ZNF704: variants seen among roughly 807,000 people sequenced by gnomAD.
The protein encoded by ZNF704 is glucocorticoid induced gene 1.
ZNF704 carries 10 observed loss-of-function variants against 44.7 expected under a neutral mutation model. That is an observed-to-expected ratio of 0.22 (90% CI 0.14 to 0.38). The LOEUF (loss-of-function observed/expected upper bound fraction) is 0.38. Ranked by LOEUF, ZNF704 falls within the 10% of genes least tolerant of loss-of-function variation. The probability of loss-of-function intolerance (pLI) is 1.00; values close to 1 mark genes in which losing one functional copy is unlikely to be tolerated. For synonymous variants in ZNF704, 211 were observed against 207.6 expected (o/e 1.02, Z -0.14); for missense variants, 390 against 545.5 (o/e 0.71, Z 2.84).
At chr8:80,766,815 C>T (rs1157617918) in intron 2 of ZNF704, among the ~76,000 whole-genome samples, 1 of 152,060 alleles carries the variant, frequency 6.6e-6, no homozygotes. Flanking sequence ...TGGATTCAAG[C>T]AATTCTCCTG....
At chr8:80,742,180 C>A (rs1456956224) in intron 2 of ZNF704, among the ~76,000 whole-genome samples, 5 of 152,082 alleles carry the variant, frequency 3.3e-5, no homozygotes, top group African/African-American at 1.2e-4. Context: ...AACCGCCAAG[C>A]GGATATTGAA....
At chr8:80,752,113 A>G (rs1806954173) in intron 2 of ZNF704, among the ~76,000 whole-genome samples, 1 of 152,210 alleles carries the variant, frequency 6.6e-6, no homozygotes, top group South Asian at 2.1e-4. Context: ...GTTAAGCAGC[A>G]CTGGGTTTTA....
intron 2 of ZNF704, among the ~76,000 whole-genome samples, chr8:80,725,240 G>T (rs1189610204): frequency 6.6e-6 from 1 of 152,154 alleles, no homozygotes; most frequent in Non-Finnish European, 1.5e-5. Context: ...GCCAGTCCTT[G>T]AAGGGTTTCC....
chr8:80,658,683 C>T (rs1818053097), intron 7 of ZNF704: 1 of 152,214 alleles, frequency 6.6e-6, no homozygotes, highest in South Asian at 2.1e-4. Context: ...GGCTATTCCT[C>T]TATGGAATTT....
At position 80,633,944 on chromosome 8, in the gene ZNF704, T is replaced by G. The variant is rs1330826360; in HGVS notation, c.*7422A>C. Reference sequence around the variant, plus strand: ...ATGTGGAAAAACCTCCTTTTGAGGTTAGTGGACACTCTGAAATAGCCTAAA... The same window carrying G: ...ATGTGGAAAAACCTCCTTTTGAGGTGAGTGGACACTCTGAAATAGCCTAAA... On this transcript the variant is annotated 3_prime_UTR_variant, in exon 9 of 9. Coordinates refer to ENST00000327835, the MANE Select transcript of ZNF704 (RefSeq NM_001033723.3). 6.6e-6 allele frequency: 1 copy of G among 152,218 alleles called. No individual in the cohort carries two copies. Among genetic ancestry groups the G allele is most frequent in the African/African-American group, 2.4e-5 (1 of 41,456 alleles). The allele number at this position is 152,218 out of a possible 1,614,324, so 9.4% of individuals were successfully genotyped here. A position where few individuals can be genotyped will look rare whatever the true frequency, so the allele number is the denominator to read the frequency against.
chr8:80,691,711 G>A (rs1172066999), intron 3 of ZNF704, among the ~76,000 whole-genome samples: 1 of 152,164 alleles, frequency 6.6e-6, no homozygotes, highest in Non-Finnish European at 1.5e-5. Context: ...TCTCTCCCAA[G>A]ATGTGCCCAA....
At chr8:80,674,254 TA>T (rs1281669097) in intron 4 of ZNF704, among the ~76,000 whole-genome samples, 1 of 152,172 alleles carries the variant, frequency 6.6e-6, no homozygotes, top group African/African-American at 2.4e-5. Flanking sequence ...TCAAACCTGC[TA>T]GGTTCACAAA....
At chr8:80,675,074 C>G (rs1818342719) in intron 4 of ZNF704, among the ~76,000 whole-genome samples, 2 of 152,140 alleles carry the variant, frequency 1.3e-5, no homozygotes, top group African/African-American at 4.8e-5. Context: ...AGGCTTCTTT[C>G]AAGGAAGTGA....
Position 80,823,429 on chromosome 8 carries a change from G to A in ZNF704, c.-21-1814C>T, listed in dbSNP as rs182340759. 6.0e-3 allele frequency among the ~76,000 whole-genome samples: 909 copies of A among 152,306 alleles called. 7 individuals are homozygous for A. The highest frequency in any genetic ancestry group is 0.02 in the African/African-American group (846 of 41,574). On this transcript the variant is annotated intron_variant, in intron 1 of 8. Coordinates refer to ENST00000327835, the MANE Select transcript of ZNF704 (RefSeq NM_001033723.3). ...GGTAAGCACAACGGCTGGGAAGCTCGAACCTGGTGGAGCCCACTGCAGCTC... is the reference window on the plus strand; with the variant it reads ...GGTAAGCACAACGGCTGGGAAGCTCAAACCTGGTGGAGCCCACTGCAGCTC...
At chr8:80,729,425 T>C (rs1171748476) in intron 2 of ZNF704, among the ~76,000 whole-genome samples, 1 of 152,108 alleles carries the variant, frequency 6.6e-6, no homozygotes, top group Non-Finnish European at 1.5e-5. Context: ...TAAGATAACA[T>C]ATAGTTCTGA....
intron 3 of ZNF704, among the ~76,000 whole-genome samples, chr8:80,692,138 C>T (rs962567935): frequency 6.6e-6 from 1 of 152,190 alleles, no homozygotes; most frequent in Admixed American, 6.5e-5. Flanking sequence ...TAAATGACCC[C>T]TCCTGATAGG....
At chr8:80,650,106 A>T (rs1585922087) in intron 7 of ZNF704, among the ~76,000 whole-genome samples, 1 of 152,190 alleles carries the variant, frequency 6.6e-6, no homozygotes. Flanking sequence ...GAGGGTCCTG[A>T]CTGTTAGAAG....
chr8:80,866,986 A>G (rs1478134448), intron 1 of ZNF704, among the ~76,000 whole-genome samples: 1 of 151,980 alleles, frequency 6.6e-6, no homozygotes, highest in East Asian at 1.9e-4. Context: ...CTTTTCTCTA[A>G]TGCTTGTGTT....
At chr8:80,706,596 C>T (rs568978756) in intron 2 of ZNF704, among the ~76,000 whole-genome samples, 1 of 152,368 alleles carries the variant, frequency 6.6e-6, no homozygotes, top group African/African-American at 2.4e-5. Flanking sequence ...CAGAGAGCAG[C>T]TGTGGAGCCA....
At chr8:80,722,615 T>C (rs1401313063) in intron 2 of ZNF704, among the ~76,000 whole-genome samples, 1 of 152,262 alleles carries the variant, frequency 6.6e-6, no homozygotes, top group Non-Finnish European at 1.5e-5. Context: ...TTTGTAGTGT[T>C]TGCAGCACCT....
chr8:80,735,307 T>C (rs898305835), intron 2 of ZNF704, among the ~76,000 whole-genome samples: 1 of 152,228 alleles, frequency 6.6e-6, no homozygotes, highest in African/African-American at 2.4e-5. Flanking sequence ...ACTACTCTTA[T>C]TTATGAAGAT....
chr8:80,834,097 G>A (rs1808516783), intron 1 of ZNF704, among the ~76,000 whole-genome samples: 2 of 152,104 alleles, frequency 1.3e-5, no homozygotes, highest in Non-Finnish European at 2.9e-5. Flanking sequence ...GGGAGGCTGG[G>A]GTGGGAGGAT....
intron 2 of ZNF704, among the ~76,000 whole-genome samples, chr8:80,787,286 G>C (rs1251598804): frequency 6.6e-6 from 1 of 152,102 alleles, no homozygotes; most frequent in Non-Finnish European, 1.5e-5. Context: ...ATGCATATGA[G>C]AGCACACGTG....
chr8:80,848,541 T>C lies in ZNF704; in HGVS notation c.-22+26030A>G, dbSNP rs145556722. On this transcript the variant is annotated intron_variant, in intron 1 of 8. Coordinates refer to ENST00000327835, the MANE Select transcript of ZNF704 (RefSeq NM_001033723.3). ...ACAATTGCAGGTGAATTTATAATTA[T>C]CTTTTAAAGTTTTAAAACCTAGACT... Among the ~76,000 whole-genome samples, 249 of 152,292 alleles carry C rather than the reference T, an allele frequency of 1.6e-3. 3 individuals are homozygous for C. The highest frequency in any genetic ancestry group is 0.014 in the Middle Eastern group (4 of 294).
Sources: allele counts gnomAD v4.1 joint callset (sites outside exome capture counted in the v4.1 genomes callset), GRCh38; gene constraint gnomAD v4.1.1; transcripts MANE v1.5; gene names NCBI Gene and HGNC (gene_info 2026-07-23, HGNC 2026-07-21).